Variants in AKAP12 observed in about 807,000 individuals in gnomAD.
AKAP12 encodes the protein A-kinase anchoring protein 12, also known as A-kinase anchor protein 12.
AKAP12 carries 32 observed loss-of-function variants against 79.9 expected under a neutral mutation model. The observed-to-expected ratio is 0.40, with a 90% confidence interval of 0.30 to 0.54. AKAP12 has a LOEUF of 0.54. Ranked by LOEUF, AKAP12 falls within the 20% of genes least tolerant of loss-of-function variation. AKAP12 has a pLI of 0.48. For synonymous variants in AKAP12, 808 were observed against 857.0 expected, an observed-to-expected ratio of 0.94 and a Z score of 1.00; for missense variants, 2,074 against 2,177.0, an observed-to-expected ratio of 0.95 and a Z score of 0.94.
chr6:151,259,699 C>G (rs1797381544), intron 2 of AKAP12, among the ~76,000 whole-genome samples: 1 of 151,342 alleles, frequency 6.6e-6, no homozygotes, highest in Non-Finnish European at 1.5e-5. Context: ...GTGCCTCATC[C>G]TCGAGTTCCT....
At chr6:151,327,141 C>CTTTTTTT in intron 3 of AKAP12, among the ~76,000 whole-genome samples, 1 of 146,586 alleles carries the variant, frequency 6.8e-6, no homozygotes, top group African/African-American at 2.6e-5. Context: ...TTTTAATCAA[C>CTTTTTTT]TGTAGAATTT....
intron 2 of AKAP12, among the ~76,000 whole-genome samples, chr6:151,256,732 C>T (rs1797305450): frequency 6.6e-6 from 1 of 151,924 alleles, no homozygotes; most frequent in African/African-American, 2.4e-5. Flanking sequence ...TCACTGCAAC[C>T]TCCACCTCCC....
At chr6:151,295,725 G>A (rs1224488448) in intron 2 of AKAP12, among the ~76,000 whole-genome samples, 1 of 152,224 alleles carries the variant, frequency 6.6e-6, no homozygotes, top group Non-Finnish European at 1.5e-5. Flanking sequence ...TGTTGCTGTT[G>A]GGTGAATAGC....
chr6:151,357,238 G>C lies in AKAP12; in HGVS notation c.*1524G>C, dbSNP rs1366411888. ...AGTTTCGCTCTTGTTGCCCAGGCTG[G>C]AGTGCAATGGCACGATCTCAGCTCA... is the stretch of plus-strand genomic sequence containing the variant. On this transcript the variant is annotated 3_prime_UTR_variant, in exon 5 of 5. Coordinates refer to ENST00000402676, the MANE Select transcript of AKAP12 (RefSeq NM_005100.4). 1 of 154,632 alleles carries C rather than the reference G, an allele frequency of 6.5e-6. No individual in the cohort carries two copies. The highest frequency in any genetic ancestry group is 1.4e-5 in the Non-Finnish European group (1 of 70,042). The allele number at this position is 154,632 out of a possible 1,614,324, so 9.6% of individuals were successfully genotyped here.
At chr6:151,333,047 A>G (rs1389413526) in intron 3 of AKAP12, among the ~76,000 whole-genome samples, 3 of 152,238 alleles carry the variant, frequency 2.0e-5, no homozygotes, top group Non-Finnish European at 4.4e-5. Context: ...GTACATCCAC[A>G]TATCAGTGAT....
At chr6:151,326,997 A>AAAATACAAAAATAAATTTT (rs1777546163) in intron 3 of AKAP12, among the ~76,000 whole-genome samples, 1 of 151,922 alleles carries the variant, frequency 6.6e-6, no homozygotes, top group Admixed American at 6.6e-5. Flanking sequence ...TTGTATTTTT[A>AAAATACAAAAATAAATTTT]GTAGAGCCGG....
intron 2 of AKAP12, among the ~76,000 whole-genome samples, chr6:151,264,596 G>A (rs1343361642): frequency 1.3e-5 from 2 of 151,092 alleles, no homozygotes; most frequent in Non-Finnish European, 2.9e-5. Context: ...GCTTGAACCC[G>A]GGAGGCAGAG....
At chr6:151,301,391 A>G in intron 2 of AKAP12, among the ~76,000 whole-genome samples, 1 of 152,214 alleles carries the variant, frequency 6.6e-6, no homozygotes, top group Non-Finnish European at 1.5e-5. Context: ...CTGTATATAT[A>G]CACACGTAGA....
intron 3 of AKAP12, among the ~76,000 whole-genome samples, chr6:151,342,274 T>G (rs1345995896): frequency 7.9e-5 from 12 of 152,218 alleles, no homozygotes; most frequent in Non-Finnish European, 1.8e-4. Context: ...TGGGGCAGGC[T>G]GGAAAGTACG....
chr6:151,292,820 T>C (rs1038815907), intron 2 of AKAP12, among the ~76,000 whole-genome samples: 2 of 152,178 alleles, frequency 1.3e-5, no homozygotes, highest in Non-Finnish European at 2.9e-5. Context: ...CTTCTCAGGA[T>C]GGGAGAAGAG....
At position 151,349,925 on chromosome 6, in the gene AKAP12, C is replaced by T. The variant is rs1778229684; in HGVS notation, c.1534C>T (p.Gln512Ter). 6.2e-7 allele frequency: 1 copy of T among 1,613,936 alleles called. No individual in the cohort carries two copies. The highest frequency in any genetic ancestry group is 1.1e-5 in the South Asian group (1 of 91,076). The change falls in exon 4 of 5, where the codon CAG becomes TAG. Residue 512 changes from glutamine to a stop codon, truncating the protein, a stop_gained. Transcript: ENST00000402676. LOFTEE classifies it high-confidence loss of function. ...GTCATCACAGGAGAGAATGAAGGTG[C>T]AGGGAAGTCCACTAAAGAAGCTTTT... is the stretch of plus-strand genomic sequence containing the variant. ...MLSSQERMKV[Q>*]GSPLKKLFTS...
intron 3 of AKAP12, among the ~76,000 whole-genome samples, chr6:151,344,857 G>C (rs1778047011): frequency 6.6e-6 from 1 of 151,850 alleles, no homozygotes; most frequent in Admixed American, 6.6e-5. Context: ...AACTTTCTGG[G>C]GTTCAGTTTC....
chr6:151,312,748 T>C (rs943189347), intron 3 of AKAP12, among the ~76,000 whole-genome samples: 4 of 137,966 alleles, frequency 2.9e-5, no homozygotes, highest in Admixed American at 7.9e-5. Context: ...GCCGAGATCG[T>C]GCCACTGCAC....
At chr6:151,334,778 T>C (rs554303753) in intron 3 of AKAP12, among the ~76,000 whole-genome samples, 1 of 151,150 alleles carries the variant, frequency 6.6e-6, no homozygotes, top group African/African-American at 2.4e-5. Flanking sequence ...CCCGCCACCA[T>C]GTTCGGCTGA....
chr6:151,309,997 G>A (rs73617468), intron 3 of AKAP12, among the ~76,000 whole-genome samples: 5,066 of 151,440 alleles, frequency 0.033, 275 homozygotes, highest in African/African-American at 0.12. Flanking sequence ...AAAAAGAAAA[G>A]CTCCCTTTCC....
In AKAP12 at chr6:151,349,037, A is replaced by C. The variant is rs3734799; in HGVS notation, c.646A>C (p.Lys216Gln). Residue 216 changes from lysine to glutamine, a missense_variant, in exon 4 of 5, where the codon AAG (lysine) becomes CAG (glutamine). By Grantham distance (53) the Lys-to-Gln change is moderately conservative. Transcript: ENST00000402676. ...GGGAGCAGCAGGGGCTGGCGACCAC[A>C]AGGACCCCAGCCTTGGGGCTGGAGA... ...GEGAAGAGDHKDPSLGAGEAA... is the reference protein window; with the variant it reads ...GEGAAGAGDHQDPSLGAGEAA... 1,157,622 of 1,612,638 alleles carry C rather than the reference A, an allele frequency of 0.72. 422,122 individuals are homozygous for C. The highest frequency in any genetic ancestry group is 0.76 in the Non-Finnish European group (891,079 of 1,179,750).
intron 2 of AKAP12, among the ~76,000 whole-genome samples, chr6:151,260,007 A>G (rs1797392386): frequency 6.6e-6 from 1 of 152,018 alleles, no homozygotes; most frequent in African/African-American, 2.4e-5. Context: ...TTCCTAACAC[A>G]GTTGTTTTAC....
intron 2 of AKAP12, among the ~76,000 whole-genome samples, chr6:151,268,945 G>GTTTTTTTTTT (rs558502756): frequency 2.6e-5 from 2 of 77,430 alleles, no homozygotes; most frequent in Admixed American, 1.2e-4. Flanking sequence ...TGCTCGGCCT[G>GTTTTTTTTTT]TTTTTTTTTT....
chr6:151,329,127 T>TC (rs989996196), intron 3 of AKAP12, among the ~76,000 whole-genome samples: 3 of 151,796 alleles, frequency 2.0e-5, no homozygotes, highest in Non-Finnish European at 2.9e-5. Context: ...AAATGCCTTT[T>TC]TTTTTGAGAT....
Sources: gnomAD v4.1 joint callset for allele counts (sites outside exome capture counted in the v4.1 genomes callset) on GRCh38, gnomAD v4.1.1 for gene constraint, MANE v1.5 for transcripts, NCBI Gene and HGNC (gene_info 2026-07-23, HGNC 2026-07-21) for gene names.